DSCAM: variants seen among roughly 807,000 people sequenced by gnomAD.
The protein encoded by DSCAM is DS cell adhesion molecule, also known as cell adhesion molecule DSCAM.
A neutral mutation model predicts 217.7 loss-of-function variants in DSCAM; 47 were observed. The ratio of observed to expected loss-of-function variants is 0.22; its 90% confidence interval spans 0.17 to 0.28. The LOEUF is 0.28. DSCAM is among the 10% of genes least tolerant of loss of function. The pLI, the probability that DSCAM is intolerant of heterozygous loss-of-function variation, is 1.00. For synonymous variants in DSCAM, 1,056 were observed against 1,015.3 expected, an observed-to-expected ratio of 1.04 and a Z score of -0.76; for missense variants, 2,080 against 2,618.3, an observed-to-expected ratio of 0.79 and a Z score of 4.49.
chr21:40,416,690 A>C (rs1291499971), intron 3 of DSCAM, among the ~76,000 whole-genome samples: 1 of 152,174 alleles, frequency 6.6e-6, no homozygotes, highest in East Asian at 1.9e-4. Context: ...TAGAATTATT[A>C]AACTAAAAGA....
intron 11 of DSCAM, among the ~76,000 whole-genome samples, chr21:40,224,122 C>G (rs1015776949): frequency 1.3e-5 from 2 of 152,118 alleles, no homozygotes; most frequent in African/African-American, 2.4e-5. Context: ...GATTTTTTAA[C>G]TGAAAAAGAA....
chr21:40,107,905 G>C (rs62237598), intron 20 of DSCAM, among the ~76,000 whole-genome samples: 18,634 of 151,610 alleles, frequency 0.12, 1,246 homozygotes, highest in Non-Finnish European at 0.16. Flanking sequence ...CCTTTATTTT[G>C]AGCCAATGTG....
intron 1 of DSCAM, among the ~76,000 whole-genome samples, chr21:40,812,169 G>T (rs1369548434): frequency 6.6e-6 from 1 of 152,182 alleles, no homozygotes; most frequent in East Asian, 1.9e-4. Context: ...TATAACCAGA[G>T]AAACAGAATT....
At chr21:40,322,548 T>C (rs1018798223) in intron 8 of DSCAM, among the ~76,000 whole-genome samples, 9 of 151,808 alleles carry the variant, frequency 5.9e-5, no homozygotes, top group Admixed American at 4.6e-4. Context: ...GACAGATTCT[T>C]GTTTCCCATC....
chr21:40,563,810 GTA>G (rs1010050332), intron 3 of DSCAM, among the ~76,000 whole-genome samples: 2 of 147,002 alleles, frequency 1.4e-5, no homozygotes, highest in African/African-American at 2.5e-5. Flanking sequence ...AGTTATATGT[GTA>G]TATATAGTTA....
At chr21:40,775,368 G>GT (rs1156755188) in intron 1 of DSCAM, among the ~76,000 whole-genome samples, 1 of 152,128 alleles carries the variant, frequency 6.6e-6, no homozygotes, top group Non-Finnish European at 1.5e-5. Flanking sequence ...GGAATACCTA[G>GT]AAACCTGGTA....
intron 11 of DSCAM, among the ~76,000 whole-genome samples, chr21:40,193,355 C>A (rs57055280): frequency 0.059 from 8,909 of 151,954 alleles, 615 homozygotes; most frequent in African/African-American, 0.17. Flanking sequence ...TTTTCTCATA[C>A]GGGAAAGAGG....
At chr21:40,763,530 T>C (rs955088777) in intron 1 of DSCAM, among the ~76,000 whole-genome samples, 1 of 152,238 alleles carries the variant, frequency 6.6e-6, no homozygotes, top group Non-Finnish European at 1.5e-5. Flanking sequence ...CAAAATAATT[T>C]ATAGATTAAA....
chr21:40,084,265 C>G (rs1412856811), intron 23 of DSCAM, among the ~76,000 whole-genome samples: 1 of 152,154 alleles, frequency 6.6e-6, no homozygotes, highest in Non-Finnish European at 1.5e-5. Context: ...CATTTCCTCA[C>G]CAGTTCCTTG....
At chr21:40,038,733 C>A (rs2088680694) in intron 32 of DSCAM, among the ~76,000 whole-genome samples, 1 of 143,024 alleles carries the variant, frequency 7.0e-6, no homozygotes, top group Non-Finnish European at 1.5e-5. Context: ...TTTATTGTGG[C>A]ATTATTCACA....
intron 3 of DSCAM, among the ~76,000 whole-genome samples, chr21:40,620,946 C>T (rs920079770): frequency 6.6e-6 from 1 of 152,140 alleles, no homozygotes; most frequent in African/African-American, 2.4e-5. Context: ...ATTGATGGAT[C>T]TCAGATGCAT....
intron 3 of DSCAM, among the ~76,000 whole-genome samples, chr21:40,541,499 G>A (rs1312910309): frequency 6.6e-6 from 1 of 152,112 alleles, no homozygotes; most frequent in Non-Finnish European, 1.5e-5. Flanking sequence ...ATTTATTCTG[G>A]TTTAGTTTAC....
chr21:40,046,774 G>A (rs913283935), intron 30 of DSCAM, among the ~76,000 whole-genome samples: 3 of 151,880 alleles, frequency 2.0e-5, no homozygotes, highest in African/African-American at 4.8e-5. Context: ...GGAAGTTGGG[G>A]GGTGGTTGGG....
intron 32 of DSCAM, 52 bp from the exon 33 acceptor site, chr21:40,013,438 G>T: frequency 7.3e-7 from 1 of 1,367,306 alleles, no homozygotes; most frequent in Non-Finnish European, 9.8e-7. Flanking sequence ...GTAAACATGG[G>T]CAGAATGTCC....
intron 15 of DSCAM, among the ~76,000 whole-genome samples, chr21:40,178,200 C>G (rs1003056986): frequency 6.6e-6 from 1 of 152,148 alleles, no homozygotes; most frequent in African/African-American, 2.4e-5. Context: ...TTCACCCCCC[C>G]GGAAACATGA....
At chr21:40,428,889 T>C (rs944653152) in intron 3 of DSCAM, among the ~76,000 whole-genome samples, 16 of 152,176 alleles carry the variant, frequency 1.1e-4, no homozygotes, top group African/African-American at 3.6e-4. Context: ...TTTAGGAATA[T>C]AAAATATAAT....
intron 3 of DSCAM, among the ~76,000 whole-genome samples, chr21:40,466,589 G>GTTTGT (rs761498335): frequency 3.0e-4 from 45 of 150,168 alleles, no homozygotes; most frequent in Non-Finnish European, 6.0e-4. Flanking sequence ...GAAACTGTTT[G>GTTTGT]TTTGTTTTGT....
chr21:40,362,360 G>A (rs914413600), intron 4 of DSCAM, among the ~76,000 whole-genome samples: 6 of 152,124 alleles, frequency 3.9e-5, no homozygotes, highest in Admixed American at 2.0e-4. Flanking sequence ...AACTTGTTCC[G>A]TTATTGCCAT....
chr21:40,778,355 G>A (rs183423688), intron 1 of DSCAM, among the ~76,000 whole-genome samples: 1 of 152,244 alleles, frequency 6.6e-6, no homozygotes, highest in Admixed American at 6.5e-5. Flanking sequence ...TTGTTTGATT[G>A]TTTCTTTGTT....
Sources: gnomAD v4.1 joint callset for allele counts (sites outside exome capture counted in the v4.1 genomes callset) on GRCh38, gnomAD v4.1.1 for gene constraint, MANE v1.5 for transcripts, NCBI Gene and HGNC (gene_info 2026-07-23, HGNC 2026-07-21) for gene names.